Variants in KAT6B observed in about 807,000 individuals in gnomAD.
KAT6B encodes histone acetyltransferase KAT6B.
A neutral mutation model predicts 187.5 loss-of-function variants in KAT6B; 10 were observed. That is an observed-to-expected ratio of 0.05 (90% CI 0.03 to 0.09). The LOEUF is 0.09. Among genes scored for constraint, KAT6B ranks in the 10% least tolerant of loss-of-function variants. The pLI, the probability that KAT6B is intolerant of heterozygous loss-of-function variation, is 1.00. For synonymous variants in KAT6B, 861 were observed against 926.8 expected (o/e 0.93, Z 1.29); for missense variants, 1,952 against 2,558.9 (o/e 0.76, Z 5.12).
chr10:74,952,925 C>G (rs1840424339), intron 3 of KAT6B, among the ~76,000 whole-genome samples: 1 of 147,004 alleles, frequency 6.8e-6, no homozygotes, highest in African/African-American at 2.6e-5. Context: ...GTCTCGAACT[C>G]CTGACCTCAG....
At chr10:74,951,880 A>G (rs371682226) in intron 3 of KAT6B, among the ~76,000 whole-genome samples, 87 of 152,358 alleles carry the variant, frequency 5.7e-4, no homozygotes, top group Non-Finnish European at 1.1e-3. Flanking sequence ...CCAGTTCCCA[A>G]CTTCAGAGCA....
At chr10:74,987,222 T>C (rs1297397109) in intron 12 of KAT6B, among the ~76,000 whole-genome samples, 2 of 151,912 alleles carry the variant, frequency 1.3e-5, no homozygotes, top group Non-Finnish European at 2.9e-5. Context: ...GATCATGAGG[T>C]CAAGAGATCG....
At chr10:75,006,091 C>G (rs1236966886) in intron 13 of KAT6B, among the ~76,000 whole-genome samples, 1 of 151,958 alleles carries the variant, frequency 6.6e-6, no homozygotes, top group African/African-American at 2.4e-5. Context: ...TAAATGAAGT[C>G]GAAGAGTTAT....
intron 3 of KAT6B, among the ~76,000 whole-genome samples, chr10:74,894,189 C>T (rs1033420064): frequency 1.3e-5 from 2 of 151,666 alleles, no homozygotes; most frequent in Non-Finnish European, 2.9e-5. Context: ...TCAAGCCATT[C>T]TCCTGCCTCA....
At chr10:74,991,922 T>C (rs1843145161) in intron 13 of KAT6B, among the ~76,000 whole-genome samples, 2 of 152,234 alleles carry the variant, frequency 1.3e-5, no homozygotes, top group African/African-American at 4.8e-5. Flanking sequence ...TAATAGTAGA[T>C]AAATATCTTT....
Position 74,843,121 on chromosome 10 carries a change from T to A in KAT6B, c.264T>A (p.Phe88Leu). ...TTTCATCAGTTAAACCAGGCACTTT[T>A]CCTAAGTCAGCCAAGGGGTCTAGAG... ...GRFSSVKPGT[F>L]PKSAKGSRGS... The change falls in exon 3 of 18, where the codon TTT (phenylalanine) becomes TTA (leucine). Residue 88 changes from phenylalanine (F) to leucine (L), a missense_variant. Around this residue, in one of 9 missense-constraint regions of KAT6B, gnomAD observed 218 missense variants for 282.6 expected, o/e 0.77. Coordinates refer to ENST00000287239, the MANE Select transcript of KAT6B (RefSeq NM_012330.4). The A allele has an allele frequency of 6.2e-7, 1 of 1,614,184 alleles. No individual in the cohort carries two copies. Among genetic ancestry groups the A allele is most frequent in the Non-Finnish European group, 8.5e-7 (1 of 1,180,030 alleles).
chr10:74,856,913 GAAAA>G (rs1251615444), intron 3 of KAT6B, among the ~76,000 whole-genome samples: 1 of 151,854 alleles, frequency 6.6e-6, no homozygotes, highest in East Asian at 1.9e-4. Context: ...AAAGAAAAAA[GAAAA>G]GAAAAAATAC....
intron 3 of KAT6B, among the ~76,000 whole-genome samples, chr10:74,875,336 T>G (rs1374778439): frequency 6.6e-6 from 1 of 152,212 alleles, no homozygotes; most frequent in Non-Finnish European, 1.5e-5. Flanking sequence ...TAGTAATCAG[T>G]TTTGTTTAGC....
intron 7 of KAT6B, 33 bp downstream of exon 7, chr10:74,972,672 A>G (rs758111187): frequency 3.1e-5 from 49 of 1,592,342 alleles, no homozygotes; most frequent in Non-Finnish European, 4.1e-5. Flanking sequence ...GAAATCATTT[A>G]TGTTTTGCTT....
At chr10:74,946,035 T>C (rs1267493516) in intron 3 of KAT6B, among the ~76,000 whole-genome samples, 1 of 152,240 alleles carries the variant, frequency 6.6e-6, no homozygotes, top group African/African-American at 2.4e-5. Flanking sequence ...CTTAAATCTT[T>C]GAAATAATTC....
intron 13 of KAT6B, among the ~76,000 whole-genome samples, chr10:75,019,852 G>T (rs1845257395): frequency 6.6e-6 from 1 of 151,260 alleles, no homozygotes; most frequent in Admixed American, 6.6e-5. Context: ...AGCTTAAGAT[G>T]CTGGGGGATT....
At chr10:74,911,091 G>A (rs2395121) in intron 3 of KAT6B, among the ~76,000 whole-genome samples, 47,035 of 151,940 alleles carry the variant, frequency 0.31, 13,095 homozygotes, top group African/African-American at 0.73. Context: ...GTAGTCCAGC[G>A]GAGAGTGATA....
intron 4 of KAT6B, among the ~76,000 whole-genome samples, chr10:74,966,887 G>A (rs561263305): frequency 3.9e-5 from 6 of 152,120 alleles, no homozygotes; most frequent in South Asian, 4.2e-4. Context: ...ACAATTAGCC[G>A]GGCTTGGTGA....
intron 12 of KAT6B, among the ~76,000 whole-genome samples, chr10:74,987,720 G>C (rs1564607842): frequency 6.6e-6 from 1 of 152,218 alleles, no homozygotes; most frequent in Non-Finnish European, 1.5e-5. Flanking sequence ...AAGCTGCACG[G>C]AGGGGAAGAA....
intron 3 of KAT6B, among the ~76,000 whole-genome samples, chr10:74,947,520 C>T (rs1004175487): frequency 2.0e-5 from 3 of 152,216 alleles, no homozygotes; most frequent in Admixed American, 6.5e-5. Context: ...ATTAATCAAA[C>T]ATCTACTGTG....
chr10:74,860,320 G>C (rs1313822407), intron 3 of KAT6B, among the ~76,000 whole-genome samples: 1 of 152,060 alleles, frequency 6.6e-6, no homozygotes, highest in Admixed American at 6.6e-5. Context: ...ATTATAAGCA[G>C]TTAATACTAG....
In KAT6B at chr10:75,032,202, CT is replaced by C; in HGVS notation, c.*1157del. On this transcript the variant is annotated 3_prime_UTR_variant, in exon 18 of 18. Transcript: ENST00000287239. ...AGCGACACTCTTGTATTTATCTGTT[CT>C]CTTTTTAGTCAGTCACTTCAAAAAA... is the stretch of plus-strand genomic sequence containing the variant. The C allele has an allele frequency of 1.0e-5, 2 of 193,010 alleles. No individual in the cohort carries two copies. Among genetic ancestry groups the C allele is most frequent in the Admixed American group, 6.1e-5 (1 of 16,310 alleles). 12.0% of individuals were successfully genotyped at this position (193,010 alleles called of 1,614,324 possible).
At chr10:74,830,783 T>A (rs1404018142) in intron 1 of KAT6B, among the ~76,000 whole-genome samples, 3 of 77,224 alleles carry the variant, frequency 3.9e-5, no homozygotes, top group East Asian at 3.7e-4. Flanking sequence ...TTTTTTTTTT[T>A]TTTTTTTTTT....
intron 3 of KAT6B, among the ~76,000 whole-genome samples, chr10:74,910,601 T>A (rs1043275226): frequency 6.7e-6 from 1 of 148,358 alleles, no homozygotes; most frequent in African/African-American, 2.6e-5. Flanking sequence ...AGTTTTCTTC[T>A]TTCACATTTT....
Sources: allele counts gnomAD v4.1 joint callset (sites outside exome capture counted in the v4.1 genomes callset), GRCh38; gene constraint gnomAD v4.1.1; regional missense constraint gnomAD v4.1.1; transcripts MANE v1.5; gene names NCBI Gene and HGNC (gene_info 2026-07-23, HGNC 2026-07-21).